The following CDK19 variants were observed in gnomAD, a reference collection of about 807,000 sequenced individuals.
CDK19 encodes the protein cyclin-dependent kinase 19.
CDK19 carries 20 observed loss-of-function variants against 68.3 expected under a neutral mutation model. That is an observed-to-expected ratio of 0.29 (90% CI 0.21 to 0.43). The LOEUF is 0.43. CDK19 is among the 20% of genes least tolerant of loss of function. The probability of loss-of-function intolerance (pLI) is 1.00; values close to 1 mark genes in which losing one functional copy is unlikely to be tolerated. For synonymous variants in CDK19, 221 were observed against 222.8 expected, an observed-to-expected ratio of 0.99 and a Z score of 0.07; for missense variants, 339 against 623.5, an observed-to-expected ratio of 0.54 and a Z score of 4.86.
chr6:110,808,957 G>C (rs867199335), intron 1 of CDK19, among the ~76,000 whole-genome samples: 4 of 151,612 alleles, frequency 2.6e-5, no homozygotes, highest in Non-Finnish European at 4.4e-5. Flanking sequence ...TTGTAATCCC[G>C]GCACTTTGGG....
intron 2 of CDK19, among the ~76,000 whole-genome samples, chr6:110,738,722 C>A (rs879314616): frequency 2.6e-5 from 4 of 152,134 alleles, no homozygotes; most frequent in Non-Finnish European, 4.4e-5. Flanking sequence ...GAATCCTCAG[C>A]AAACATACAT....
At chr6:110,632,538 C>T (rs1321167700) in intron 5 of CDK19, among the ~76,000 whole-genome samples, 3 of 152,160 alleles carry the variant, frequency 2.0e-5, no homozygotes. Context: ...AGAGACCAGC[C>T]TGCACAACAT....
chr6:110,748,344 G>A (rs1352711077), intron 1 of CDK19, among the ~76,000 whole-genome samples: 1 of 152,180 alleles, frequency 6.6e-6, no homozygotes, highest in Non-Finnish European at 1.5e-5. Flanking sequence ...AGAAGAGACT[G>A]AGCATAGGCC....
intron 6 of CDK19, among the ~76,000 whole-genome samples, chr6:110,627,962 T>A (rs1465352829): frequency 6.6e-6 from 1 of 152,026 alleles, no homozygotes; most frequent in Non-Finnish European, 1.5e-5. Flanking sequence ...GTATTCCAAG[T>A]ACTTTGGGAG....
chr6:110,616,902 A>G (rs2114575369), intron 12 of CDK19, among the ~76,000 whole-genome samples: 1 of 152,316 alleles, frequency 6.6e-6, no homozygotes, highest in Non-Finnish European at 1.5e-5. Context: ...TTTTTTAATG[A>G]CAAAGGGTTT....
At chr6:110,664,014 G>GA (rs149196265) in intron 4 of CDK19, among the ~76,000 whole-genome samples, 3,160 of 152,130 alleles carry the variant, frequency 0.021, 96 homozygotes, top group African/African-American at 0.073. Flanking sequence ...TCTAGTGGGG[G>GA]AAAAAATCAT....
intron 2 of CDK19, among the ~76,000 whole-genome samples, chr6:110,714,227 T>C (rs998603402): frequency 2.0e-5 from 3 of 152,234 alleles, no homozygotes; most frequent in Admixed American, 1.3e-4. Context: ...TCACATAATG[T>C]TCTCAAGGTT....
chr6:110,789,056 C>T (rs185487913), intron 1 of CDK19, among the ~76,000 whole-genome samples: 2 of 152,284 alleles, frequency 1.3e-5, no homozygotes, highest in Admixed American at 1.3e-4. Flanking sequence ...AGATGATTAG[C>T]ATCACATAGC....
rs535731121 is a variant in CDK19 at position 110,638,288 on chromosome 6, G to A, written c.514+361C>T. 2.0e-4 allele frequency among the ~76,000 whole-genome samples: 31 copies of A among 152,228 alleles called. No homozygotes were observed. The South Asian group carries it at 6.0e-3, about 30-fold the overall frequency. ...CTCAGGGTGGGGAGGAAAATATTCAGGAAGAGAATAGTTGGTAAACCTGAA... is the reference window on the plus strand; with the variant it reads ...CTCAGGGTGGGGAGGAAAATATTCAAGAAGAGAATAGTTGGTAAACCTGAA... On this transcript the variant is annotated intron_variant, in intron 5 of 12. Coordinates refer to ENST00000368911, the MANE Select transcript of CDK19 (RefSeq NM_015076.5).
intron 2 of CDK19, among the ~76,000 whole-genome samples, chr6:110,738,086 C>G (rs1024664285): frequency 1.3e-5 from 2 of 152,124 alleles, no homozygotes; most frequent in Non-Finnish European, 2.9e-5. Context: ...AATCTCAGTA[C>G]TAAACTTTGA....
chr6:110,691,847 C>G (rs545888003), intron 2 of CDK19, among the ~76,000 whole-genome samples: 56 of 150,620 alleles, frequency 3.7e-4, no homozygotes, highest in African/African-American at 1.2e-3. Context: ...GGGGTTTCAC[C>G]ATGTTGGTCA....
At chr6:110,739,352 G>A (rs914994827) in intron 2 of CDK19, among the ~76,000 whole-genome samples, 2 of 152,126 alleles carry the variant, frequency 1.3e-5, no homozygotes, top group Non-Finnish European at 2.9e-5. Context: ...TGTGAACTAG[G>A]AAGTGGACCC....
intron 2 of CDK19, among the ~76,000 whole-genome samples, chr6:110,695,725 G>A (rs573831403): frequency 2.6e-5 from 4 of 152,022 alleles, no homozygotes; most frequent in South Asian, 2.1e-4. Context: ...ACCTTTATGC[G>A]CACAAAGTAG....
chr6:110,659,892 T>C (rs1437952135), intron 4 of CDK19, among the ~76,000 whole-genome samples: 1 of 152,234 alleles, frequency 6.6e-6, no homozygotes, highest in Non-Finnish European at 1.5e-5. Context: ...ATGTAACTTT[T>C]ACACATGAAA....
intron 1 of CDK19, among the ~76,000 whole-genome samples, chr6:110,765,679 C>CAA (rs1162979705): frequency 3.1e-5 from 2 of 64,162 alleles, no homozygotes; most frequent in Non-Finnish European, 6.2e-5. Context: ...GACTCCATCT[C>CAA]AAAAAAAAAA....
intron 8 of CDK19, among the ~76,000 whole-genome samples, chr6:110,623,945 G>GTA (rs1452895840): frequency 1.9e-4 from 28 of 146,778 alleles, no homozygotes; most frequent in East Asian, 4.0e-4. Context: ...ATATATGTGT[G>GTA]TATATATATA....
rs1778814868 is a variant in CDK19 at position 110,623,044 on chromosome 6, C to A, written c.934-132G>T. On this transcript the variant is annotated intron_variant, in intron 9 of 12. Coordinates refer to ENST00000368911, the MANE Select transcript of CDK19 (RefSeq NM_015076.5). ...TGTAGCTCACTGCAGATTATGCATACTACATACTTTTATGTGAAATTGGCA... is the reference window on the plus strand; with the variant it reads ...TGTAGCTCACTGCAGATTATGCATAATACATACTTTTATGTGAAATTGGCA... 4.3e-6 allele frequency: 3 copies of A among 696,082 alleles called. No individual in the cohort carries two copies. In the Admixed American group the frequency reaches 6.7e-5, roughly 16 times the overall value. The allele number at this position is 696,082 out of a possible 1,614,324, so 43.1% of individuals were successfully genotyped here.
intron 1 of CDK19, among the ~76,000 whole-genome samples, chr6:110,770,445 G>A (rs138500530): frequency 7.4e-4 from 113 of 152,316 alleles, no homozygotes; most frequent in African/African-American, 2.7e-3. Flanking sequence ...CAGATCTCAT[G>A]AGACTTATTC....
intron 2 of CDK19, among the ~76,000 whole-genome samples, chr6:110,684,436 G>A (rs1772278936): frequency 9.0e-6 from 1 of 111,090 alleles, no homozygotes; most frequent in African/African-American, 3.4e-5. Flanking sequence ...TAGAATGGTG[G>A]GGTGGGGGGT....
Sources: gnomAD v4.1 joint callset for allele counts (sites outside exome capture counted in the v4.1 genomes callset) on GRCh38, gnomAD v4.1.1 for gene constraint, MANE v1.5 for transcripts, NCBI Gene and HGNC (gene_info 2026-07-23, HGNC 2026-07-21) for gene names.